The following KPNA7 variants were observed in gnomAD, a reference collection of about 807,000 sequenced individuals.
KPNA7 encodes importin subunit alpha-8.
KPNA7 carries 54 observed loss-of-function variants against 53.7 expected under a neutral mutation model. The observed-to-expected ratio is 1.01, with a 90% confidence interval of 0.81 to 1.26. The LOEUF (loss-of-function observed/expected upper bound fraction) is 1.26. KPNA7 is among the 50% of genes most tolerant of loss of function. The pLI, the probability that KPNA7 is intolerant of heterozygous loss-of-function variation, is 0.00. For synonymous variants in KPNA7, 276 were observed against 259.3 expected, an observed-to-expected ratio of 1.06 and a Z score of -0.62; for missense variants, 640 against 644.5, an observed-to-expected ratio of 0.99 and a Z score of 0.07.
chr7:99,206,576 C>A (rs1394959292), intron 2 of KPNA7, among the ~76,000 whole-genome samples: 1 of 152,166 alleles, frequency 6.6e-6, no homozygotes, highest in Non-Finnish European at 1.5e-5. Flanking sequence ...TCAAGCAATC[C>A]TCCTGCCTCA....
At chr7:99,213,344 G>A (rs1038753466) in intron 1 of KPNA7, among the ~76,000 whole-genome samples, 2 of 148,450 alleles carry the variant, frequency 1.3e-5, no homozygotes, top group Admixed American at 7.0e-5. Flanking sequence ...TGGCCAGGAT[G>A]GTCTCAAACT....
At chr7:99,181,222 C>T (rs535741368) in intron 9 of KPNA7, among the ~76,000 whole-genome samples, 39 of 150,402 alleles carry the variant, frequency 2.6e-4, no homozygotes, top group African/African-American at 8.1e-4. Flanking sequence ...TCTCTCTCTC[C>T]GTCTGTCTTT....
chr7:99,195,229 A>T lies in KPNA7; in HGVS notation c.394T>A (p.Phe132Ile). The change falls in exon 5 of 11, where the codon TTT (phenylalanine) becomes ATT (isoleucine). Residue 132 changes from phenylalanine to isoleucine, a missense_variant. Transcript: ENST00000327442. ...TTGGTCAGGGCCCAGGCAGCCTCAA[A>T]CTGCAAGCAGGGGTAAAGTGATGAC... ...LKSSLYPCLQ[F>I]EAAWALTNIA... 6.4e-7 allele frequency: 1 copy of T among 1,551,638 alleles called. No homozygotes were observed. Among genetic ancestry groups the T allele is most frequent in the Non-Finnish European group, 8.7e-7 (1 of 1,146,996 alleles).
upstream of KPNA7, among the ~76,000 whole-genome samples, chr7:99,208,430 G>A (rs1476772937): frequency 6.6e-6 from 1 of 151,962 alleles, no homozygotes; most frequent in Non-Finnish European, 1.5e-5. Context: ...AAATTTTTTT[G>A]TATTTTTAGT....
At chr7:99,197,321 C>A (rs547195453) in intron 3 of KPNA7, among the ~76,000 whole-genome samples, 1 of 152,292 alleles carries the variant, frequency 6.6e-6, no homozygotes, top group African/African-American at 2.4e-5. Context: ...ATAATTAGCT[C>A]AAACTACTAA....
the KPNA7 span, among the ~76,000 whole-genome samples, chr7:99,168,571 C>T: frequency 6.6e-6 from 1 of 151,958 alleles, no homozygotes; most frequent in Non-Finnish European, 1.5e-5. Flanking sequence ...GGTGTGGTGG[C>T]AGGATCATGG....
intron 1 of KPNA7, among the ~76,000 whole-genome samples, chr7:99,214,468 AAAC>A (rs1478350387): frequency 2.0e-5 from 3 of 147,126 alleles, no homozygotes; most frequent in African/African-American, 7.5e-5. Flanking sequence ...ACAAAAACAA[AAAC>A]AAAAAAACTA....
chr7:99,205,466 G>C (rs1216481058), intron 2 of KPNA7, among the ~76,000 whole-genome samples: 1 of 150,806 alleles, frequency 6.6e-6, no homozygotes, highest in Non-Finnish European at 1.5e-5. Context: ...GGCCTAACCA[G>C]GCTGCTGTGA....
At chr7:99,162,210 A>G in the KPNA7 span, among the ~76,000 whole-genome samples, 1,780 of 151,550 alleles carry the variant, frequency 0.012, 34 homozygotes, top group African/African-American at 0.041. Context: ...ATACCCAGCT[A>G]ATTTTGTATT....
chr7:99,175,870 C>A (rs1488833278), intron 10 of KPNA7, among the ~76,000 whole-genome samples: 3 of 152,074 alleles, frequency 2.0e-5, no homozygotes, highest in Non-Finnish European at 2.9e-5. Context: ...ACACCATCCA[C>A]CTGGTCATAT....
chr7:99,181,937 G>A lies in KPNA7; in HGVS notation c.1263C>T (p.Ala421=). Residue 421 remains alanine, a synonymous_variant, in exon 9 of 11, where the codon GCC becomes GCT. Transcript: ENST00000327442. ...VLEPLVNLLT[A]PDVKIVLIIL... Reference sequence around the variant, plus strand: ...TGATGAGAACAATTTTAACATCTGGGGCAGTGAGCAGATTCACCAGTGGCT... The same window carrying A: ...TGATGAGAACAATTTTAACATCTGGAGCAGTGAGCAGATTCACCAGTGGCT... The A allele has an allele frequency of 6.4e-7, 1 of 1,551,350 alleles. No homozygotes were observed. The highest frequency in any genetic ancestry group is 8.7e-7 in the Non-Finnish European group (1 of 1,146,720).
intron 3 of KPNA7, 61 bp from the exon 4 acceptor site, chr7:99,196,227 A>T (rs1790224838): frequency 8.6e-7 from 1 of 1,159,474 alleles, no homozygotes; most frequent in African/African-American, 1.5e-5. Flanking sequence ...AACATCACCT[A>T]CTCTAGCCAT....
At chr7:99,182,707 A>G (rs1789331459) in intron 8 of KPNA7, among the ~76,000 whole-genome samples, 1 of 152,172 alleles carries the variant, frequency 6.6e-6, no homozygotes, top group South Asian at 2.1e-4. Flanking sequence ...GTGGGGTCTT[A>G]GAGGGAAGCT....
Position 99,200,050 on chromosome 7 carries a change from A to C in KPNA7, c.201+3056T>G, listed in dbSNP as rs150227977. 3.1e-4 allele frequency among the ~76,000 whole-genome samples: 47 copies of C among 152,188 alleles called. No individual in the cohort carries two copies. The East Asian group carries it at 8.5e-3, about 28-fold the overall frequency. On this transcript the variant is annotated intron_variant, in intron 3 of 10. Transcript: ENST00000327442. ...TCCTAATAGCTGGGACTACAGGTGCATGCCACCACACCCAGCTAATTTTTA... is the reference window on the plus strand; with the variant it reads ...TCCTAATAGCTGGGACTACAGGTGCCTGCCACCACACCCAGCTAATTTTTA...
intron 8 of KPNA7, among the ~76,000 whole-genome samples, chr7:99,183,166 C>G (rs1789363890): frequency 6.6e-6 from 1 of 152,054 alleles, no homozygotes; most frequent in African/African-American, 2.4e-5. Flanking sequence ...GAAGGAGAAT[C>G]ACTTGAACTC....
chr7:99,201,882 A>G (rs565271115), intron 3 of KPNA7, among the ~76,000 whole-genome samples: 24 of 151,690 alleles, frequency 1.6e-4, no homozygotes, highest in Non-Finnish European at 3.2e-4. Flanking sequence ...TAATTTTTGT[A>G]TTCTTAGTAG....
At chr7:99,164,785 C>T in the KPNA7 span, among the ~76,000 whole-genome samples, 2 of 152,110 alleles carry the variant, frequency 1.3e-5, no homozygotes, top group Non-Finnish European at 2.9e-5. Context: ...TCTTCTGTCC[C>T]CAGCCCCTGG....
the KPNA7 span, among the ~76,000 whole-genome samples, chr7:99,160,017 G>GTTTTTTTTTT: frequency 2.4e-3 from 163 of 67,572 alleles, 3 homozygotes; most frequent in African/African-American, 4.0e-3. Context: ...TGTTGTTTTT[G>GTTTTTTTTTT]TTTTTTTTTT....
At chr7:99,198,044 A>G (rs1790318709) in intron 3 of KPNA7, among the ~76,000 whole-genome samples, 1 of 152,208 alleles carries the variant, frequency 6.6e-6, no homozygotes, top group South Asian at 2.1e-4. Flanking sequence ...TTGAAAGCCA[A>G]AACTACAGAA....
Sources: allele counts gnomAD v4.1 joint callset (sites outside exome capture counted in the v4.1 genomes callset), GRCh38; gene constraint gnomAD v4.1.1; transcripts MANE v1.5; gene names NCBI Gene and HGNC (gene_info 2026-07-23, HGNC 2026-07-21).